NCKAP5: variants seen among roughly 807,000 people sequenced by gnomAD.
The protein encoded by NCKAP5 is nck-associated protein 5.
A neutral mutation model predicts 167.0 loss-of-function variants in NCKAP5; 92 were observed. The ratio of observed to expected loss-of-function variants is 0.55; its 90% CI spans 0.47 to 0.66. The LOEUF is 0.66. NCKAP5 is among the 30% of genes least tolerant of loss of function. NCKAP5 has a pLI of 0.00. For missense variants in NCKAP5, 2,378 were observed against 2,315.0 expected, an observed-to-expected ratio of 1.03 and a Z score of -0.56; for synonymous variants, 891 against 877.4, an observed-to-expected ratio of 1.02 and a Z score of -0.27.
At chr2:133,473,878 G>C (rs1275457876) in intron 3 of NCKAP5, among the ~76,000 whole-genome samples, 1 of 152,078 alleles carries the variant, frequency 6.6e-6, no homozygotes, top group Non-Finnish European at 1.5e-5. Context: ...AGCAGTTCAA[G>C]AGCAAAAATG....
intron 3 of NCKAP5, among the ~76,000 whole-genome samples, chr2:133,427,077 T>C (rs1425117110): frequency 6.6e-6 from 1 of 152,184 alleles, no homozygotes; most frequent in Admixed American, 6.6e-5. Flanking sequence ...TCAGGGAAGA[T>C]ATTCTAGCAC....
intron 3 of NCKAP5, among the ~76,000 whole-genome samples, chr2:133,325,088 C>T (rs1006851205): frequency 6.6e-6 from 1 of 152,044 alleles, no homozygotes; most frequent in African/African-American, 2.4e-5. Context: ...TGCTAGGAGC[C>T]GTTGGATATA....
At chr2:133,354,665 C>T (rs1180810825) in intron 3 of NCKAP5, among the ~76,000 whole-genome samples, 2 of 152,144 alleles carry the variant, frequency 1.3e-5, no homozygotes, top group Non-Finnish European at 2.9e-5. Flanking sequence ...AATACCTCTA[C>T]CAAAATTATG....
At position 133,034,635 on chromosome 2, in the gene NCKAP5, A is replaced by G. The variant is rs550564031; in HGVS notation, c.342-40396T>C. On this transcript the variant is annotated intron_variant, in intron 6 of 19. Transcript: ENST00000409261. ...AAATGGGGGAACAAAGTTAAGGTGT[A>G]GAGTTTTTATTAATTTTCTTTTTCC... Among the ~76,000 whole-genome samples the G allele has an allele frequency of 7.2e-5, 11 of 152,238 alleles. No individual in the cohort carries two copies. The South Asian group carries it at 1.7e-3, about 23-fold the overall frequency.
chr2:133,537,049 A>G (rs1685818745), intron 2 of NCKAP5, among the ~76,000 whole-genome samples: 1 of 151,970 alleles, frequency 6.6e-6, no homozygotes, highest in South Asian at 2.1e-4. Context: ...ATTTGTTGAG[A>G]AGATTATTCT....
At chr2:133,289,545 C>A (rs954356475) in intron 4 of NCKAP5, among the ~76,000 whole-genome samples, 3 of 151,974 alleles carry the variant, frequency 2.0e-5, no homozygotes, top group African/African-American at 7.3e-5. Context: ...GGTTTGAAAC[C>A]CGACTGGCCA....
At chr2:132,689,217 A>G (rs1415910694) in intron 19 of NCKAP5, among the ~76,000 whole-genome samples, 2 of 152,068 alleles carry the variant, frequency 1.3e-5, no homozygotes, top group Non-Finnish European at 2.9e-5. Context: ...TGTCAACTCA[A>G]AGAACTGGCT....
In NCKAP5 at chr2:132,807,089, G is replaced by T. The variant is rs1312221404; in HGVS notation, c.808-10360C>A. 2.0e-4 allele frequency among the ~76,000 whole-genome samples: 30 copies of T among 151,982 alleles called. No homozygotes were observed. In the East Asian group the frequency reaches 5.6e-3, roughly 28 times the overall value. On this transcript the variant is annotated intron_variant, in intron 11 of 19. Transcript: ENST00000409261. ...TGTTAAGTATTTGGGTTTATTTCTG[G>T]GTTCTCTGTTCTGTTCCTTTGGTCT...
chr2:132,763,649 T>G (rs745802633), intron 16 of NCKAP5, among the ~76,000 whole-genome samples: 1 of 152,234 alleles, frequency 6.6e-6, no homozygotes, highest in Non-Finnish European at 1.5e-5. Context: ...GCTCTTAAAC[T>G]TCACTGTATT....
At chr2:133,583,295 C>T in the NCKAP5 span, among the ~76,000 whole-genome samples, 2 of 152,080 alleles carry the variant, frequency 1.3e-5, no homozygotes, top group Admixed American at 1.3e-4. Context: ...CAACTCCCAT[C>T]CCTTGGTGGT....
At chr2:133,330,487 G>C (rs991755690) in intron 3 of NCKAP5, among the ~76,000 whole-genome samples, 2 of 150,792 alleles carry the variant, frequency 1.3e-5, no homozygotes, top group Admixed American at 6.6e-5. Flanking sequence ...ACATGTTGTA[G>C]CAAGCATATA....
Position 132,895,156 on chromosome 2 carries a change from C to T in NCKAP5, c.580-16240G>A, listed in dbSNP as rs536802741. On this transcript the variant is annotated intron_variant, in intron 8 of 19. Transcript: ENST00000409261. ...ACCTTCCTGGCTAACACGGTGAAAC[C>T]CCGTCTCTACTAAAAATACAAAAAA... Among the ~76,000 whole-genome samples, 1,079 of 151,676 alleles carry T rather than the reference C, an allele frequency of 7.1e-3. 7 individuals are homozygous for T. The highest frequency in any genetic ancestry group is 0.011 in the Non-Finnish European group (739 of 67,888).
chr2:133,158,774 C>A (rs1289643359), intron 5 of NCKAP5, among the ~76,000 whole-genome samples: 2 of 152,084 alleles, frequency 1.3e-5, no homozygotes, highest in African/African-American at 4.8e-5. Flanking sequence ...TTCAATAACA[C>A]AATATCATGC....
At chr2:133,562,871 T>C (rs1298646160) in intron 1 of NCKAP5, among the ~76,000 whole-genome samples, 1 of 152,194 alleles carries the variant, frequency 6.6e-6, no homozygotes, top group Non-Finnish European at 1.5e-5. Context: ...TGGGGCATTG[T>C]AAATGTGTGG....
At chr2:133,326,852 G>C (rs1682489826) in intron 3 of NCKAP5, among the ~76,000 whole-genome samples, 1 of 152,168 alleles carries the variant, frequency 6.6e-6, no homozygotes, top group South Asian at 2.1e-4. Flanking sequence ...TTTCCTGGGT[G>C]CTTGCTGGAA....
intron 11 of NCKAP5, among the ~76,000 whole-genome samples, chr2:132,822,760 T>G (rs963781612): frequency 2.6e-5 from 4 of 151,902 alleles, no homozygotes; most frequent in African/African-American, 9.7e-5. Flanking sequence ...ATTAAGCTAC[T>G]CAAGGAGATA....
intron 3 of NCKAP5, among the ~76,000 whole-genome samples, chr2:133,441,808 A>C (rs948924124): frequency 3.3e-5 from 5 of 152,146 alleles, no homozygotes; most frequent in Admixed American, 3.3e-4. Context: ...CAGTTTCTTT[A>C]GGCATTTCCT....
chr2:133,359,413 G>T (rs755208395), intron 3 of NCKAP5, among the ~76,000 whole-genome samples: 5 of 152,140 alleles, frequency 3.3e-5, no homozygotes, highest in African/African-American at 4.8e-5. Flanking sequence ...GCATAATTAT[G>T]TGAGGTTGCT....
At chr2:132,800,918 G>A (rs1156320686) in intron 11 of NCKAP5, among the ~76,000 whole-genome samples, 2 of 152,166 alleles carry the variant, frequency 1.3e-5, no homozygotes, top group East Asian at 1.9e-4. Flanking sequence ...CTAGCTGGGT[G>A]TCACGAAACC....
Sources: allele counts gnomAD v4.1 joint callset (sites outside exome capture counted in the v4.1 genomes callset), GRCh38; gene constraint gnomAD v4.1.1; transcripts MANE v1.5; gene names NCBI Gene and HGNC (gene_info 2026-07-23, HGNC 2026-07-21).